The following RABGEF1 variants were observed in gnomAD, a reference collection of about 807,000 sequenced individuals.
The protein encoded by RABGEF1 is rab5 GDP/GTP exchange factor.
Under a neutral mutation model 57.3 loss-of-function variants are expected in RABGEF1, and 26 were observed. The observed-to-expected ratio is 0.45, with a 90% confidence interval of 0.33 to 0.63. The LOEUF (loss-of-function observed/expected upper bound fraction) is 0.63, where lower values mean the gene tolerates loss of function less well. Ranked by LOEUF, RABGEF1 falls within the 20% of genes least tolerant of loss-of-function variation. The pLI, the probability that RABGEF1 is intolerant of heterozygous loss-of-function variation, is 0.02. For missense variants in RABGEF1, 464 were observed against 607.6 expected (o/e 0.76, Z 2.48); for synonymous variants, 185 against 210.7 (o/e 0.88, Z 1.06).
At chr7:66,654,617 C>G in the RABGEF1 span, 1 of 152,540 alleles carries the variant, frequency 6.6e-6, no homozygotes, top group Non-Finnish European at 1.5e-5. Context: ...TCGGCGAAGC[C>G]GCGGGCGAGG....
chr7:66,800,908 G>A (rs960759396), intron 7 of RABGEF1, among the ~76,000 whole-genome samples: 1 of 152,202 alleles, frequency 6.6e-6, no homozygotes, highest in African/African-American at 2.4e-5. Flanking sequence ...GGAAAGCATA[G>A]CTGTGTTCCA....
At position 66,696,077 on chromosome 7, in the gene RABGEF1, T is replaced by A. The variant is rs557625042; in HGVS notation, c.-873+13819T>A. 1.3e-3 allele frequency among the ~76,000 whole-genome samples: 199 copies of A among 151,838 alleles called. 2 individuals are homozygous for A. The highest frequency in any genetic ancestry group is 4.6e-3 in the African/African-American group (190 of 41,360). Reference sequence around the variant, plus strand: ...AAGGGACTTTAAAATATATATATATTTTTTTCTTGAGTCAGGGTCTCACTG... The same window carrying A: ...AAGGGACTTTAAAATATATATATATATTTTTCTTGAGTCAGGGTCTCACTG... On this transcript the variant is annotated intron_variant and NMD_transcript_variant, in intron 1 of 9. Coordinates refer to the RABGEF1 transcript ENST00000607882.
At chr7:66,676,189 C>T in the RABGEF1 span, among the ~76,000 whole-genome samples, 2 of 151,880 alleles carry the variant, frequency 1.3e-5, no homozygotes, top group Non-Finnish European at 2.9e-5. Context: ...GAGTGGTGGC[C>T]CGTGAATTGC....
upstream of RABGEF1, among the ~76,000 whole-genome samples, chr7:66,680,329 C>T (rs1584562917): frequency 6.6e-6 from 1 of 152,164 alleles, no homozygotes; most frequent in East Asian, 1.9e-4. Flanking sequence ...TCACTGCAAC[C>T]TGTTTCCTGG....
chr7:66,700,325 G>A (rs547045417), intron 1 of RABGEF1, among the ~76,000 whole-genome samples: 3 of 152,308 alleles, frequency 2.0e-5, no homozygotes, highest in East Asian at 1.9e-4. Context: ...CTCCTCTTTC[G>A]CCTTGAAGGG....
intron 1 of RABGEF1, among the ~76,000 whole-genome samples, chr7:66,751,625 G>C (rs1267931283): frequency 6.6e-6 from 1 of 152,140 alleles, no homozygotes; most frequent in Non-Finnish European, 1.5e-5. Context: ...ATTTTGCTCT[G>C]ATTTGCCCTT....
chr7:66,771,844 T>A (rs1469642024), intron 1 of RABGEF1, 39 bp from the exon 2 acceptor site: 4 of 1,334,856 alleles, frequency 3.0e-6, no homozygotes, highest in South Asian at 1.9e-5. Flanking sequence ...TTTAGTAGAA[T>A]GATAATTCAT....
upstream of RABGEF1, among the ~76,000 whole-genome samples, chr7:66,681,906 C>T (rs1365235394): frequency 6.6e-6 from 1 of 152,182 alleles, no homozygotes; most frequent in Non-Finnish European, 1.5e-5. Flanking sequence ...GAGCCACAGA[C>T]TAGGAAACGT....
chr7:66,700,627 G>C (rs80349367), intron 1 of RABGEF1, among the ~76,000 whole-genome samples: 2,221 of 152,280 alleles, frequency 0.015, 62 homozygotes, highest in East Asian at 0.093. Context: ...AAAGGGGTTC[G>C]TGCGTAGCAG....
At chr7:66,656,232 T>C in the RABGEF1 span, among the ~76,000 whole-genome samples, 1 of 152,118 alleles carries the variant, frequency 6.6e-6, no homozygotes, top group East Asian at 1.9e-4. Flanking sequence ...TCCTCCCACC[T>C]CAGCCTCCCA....
intron 2 of RABGEF1, among the ~76,000 whole-genome samples, chr7:66,728,097 A>G (rs2707839): frequency 0.38 from 58,038 of 152,018 alleles, 11,535 homozygotes; most frequent in Middle Eastern, 0.57. Context: ...CACCCCCAGC[A>G]GCTCAGGGCT....
chr7:66,673,933 T>A, the RABGEF1 span, among the ~76,000 whole-genome samples: 2 of 152,200 alleles, frequency 1.3e-5, no homozygotes, highest in African/African-American at 4.8e-5. Flanking sequence ...GAATTTTTAT[T>A]TTAAGAAAAT....
upstream of RABGEF1, among the ~76,000 whole-genome samples, chr7:66,681,393 CT>C (rs60669901): frequency 0.45 from 57,530 of 128,362 alleles, 8,340 homozygotes; most frequent in African/African-American, 0.55. Context: ...CTCAGTTACG[CT>C]TTTTTTTTTT....
At chr7:66,705,508 CAGA>C (rs1226572471) in intron 1 of RABGEF1, among the ~76,000 whole-genome samples, 2 of 128,254 alleles carry the variant, frequency 1.6e-5, no homozygotes, top group African/African-American at 3.0e-5. Flanking sequence ...GGGGAGGAAG[CAGA>C]GGAGGAGGAG....
At chr7:66,720,508 TAA>T (rs34361821) in intron 2 of RABGEF1, among the ~76,000 whole-genome samples, 39 of 142,254 alleles carry the variant, frequency 2.7e-4, no homozygotes, top group South Asian at 4.4e-4. Flanking sequence ...CACTGATAAT[TAA>T]AAAAAAAAAA....
intron 1 of RABGEF1, chr7:66,770,590 C>T (rs1806849242): frequency 6.6e-6 from 1 of 152,212 alleles, no homozygotes; most frequent in Non-Finnish European, 1.5e-5. Context: ...CTCAGGCAAT[C>T]CTTCTGTCTC....
rs188516441 is a variant in RABGEF1 at position 66,709,057 on chromosome 7, G to A, written c.-872-3110G>A. Among the ~76,000 whole-genome samples, 409 of 148,136 alleles carry A rather than the reference G, an allele frequency of 2.8e-3. 3 individuals are homozygous for A. The highest frequency in any genetic ancestry group is 9.5e-3 in the African/African-American group (379 of 40,008). On this transcript the variant is annotated intron_variant and NMD_transcript_variant, in intron 1 of 9. Transcript: ENST00000607882. ...GTGAGACAAGAGTTTCACTCATGTC[G>A]CCCAGGCTAGAGCGCAATGGCACAA...
In RABGEF1 at chr7:66,761,982, T is replaced by C. The variant is rs117490516; in HGVS notation, c.-17-9901T>C. Among the ~76,000 whole-genome samples the C allele has an allele frequency of 1.4e-4, 21 of 151,284 alleles. No individual in the cohort carries two copies. In the East Asian group the frequency reaches 3.5e-3, roughly 25 times the overall value. The stretch of plus-strand genomic sequence containing the variant: ...AGGAGAATCACTTGAACCCGGGAGG[T>C]AGCGAAGGTTGCAGTGAGCTGAGAC... On this transcript the variant is annotated intron_variant, in intron 1 of 8. Transcript: ENST00000284957.
At chr7:66,788,972 A>G (rs1811910356) in intron 4 of RABGEF1, among the ~76,000 whole-genome samples, 1 of 152,104 alleles carries the variant, frequency 6.6e-6, no homozygotes, top group African/African-American at 2.4e-5. Flanking sequence ...AAAAAATAAT[A>G]ATAATAATCT....
Sources: gnomAD v4.1 joint callset for allele counts (sites outside exome capture counted in the v4.1 genomes callset) on GRCh38, gnomAD v4.1.1 for gene constraint, MANE v1.5 for transcripts, NCBI Gene and HGNC (gene_info 2026-07-23, HGNC 2026-07-21) for gene names.